Variants in NUDT19 observed in about 807,000 individuals in gnomAD.
The protein encoded by NUDT19 is nudix hydrolase 19, also known as acyl-coenzyme A diphosphatase NUDT19.
In NUDT19, 31 loss-of-function variants were observed where a neutral mutation model predicts 22.2. The ratio of observed to expected loss-of-function variants is 1.40; its 90% CI spans 1.05 to 1.89. The LOEUF is 1.89. Among genes scored for constraint, NUDT19 ranks in the 40% most tolerant of loss-of-function variants. NUDT19 has a pLI of 0.00. For missense variants in NUDT19, 752 were observed against 514.2 expected (o/e 1.46, Z -4.47); for synonymous variants, 325 against 230.8 (o/e 1.41, Z -3.70).
rs1599804706 is a variant in NUDT19 at position 32,712,078 on chromosome 19, T to C, written c.*121T>C. 3 of 721,640 alleles carry C rather than the reference T, an allele frequency of 4.2e-6. No individual in the cohort carries two copies. The East Asian group carries it at 7.6e-5, about 18-fold the overall frequency. 44.7% of individuals were successfully genotyped at this position (721,640 alleles called of 1,614,324 possible). On this transcript the variant is annotated 3_prime_UTR_variant, in exon 3 of 3. Transcript: ENST00000397061. ...TATAAAAGTTACTGCAATTCAGTAT[T>C]TCTTTATTTTTTTCGAGACAGAGTC... is the stretch of plus-strand genomic sequence containing the variant.
intron 1 of NUDT19, among the ~76,000 whole-genome samples, chr19:32,708,009 C>T (rs531605248): frequency 9.9e-4 from 150 of 150,884 alleles, no homozygotes; most frequent in African/African-American, 3.5e-3. Flanking sequence ...AAATTAGCCA[C>T]GATGGTGGCG....
chr19:32,693,173 C>T (rs1216898532), intron 1 of NUDT19, among the ~76,000 whole-genome samples: 1 of 152,098 alleles, frequency 6.6e-6, no homozygotes, highest in Non-Finnish European at 1.5e-5. Flanking sequence ...AGCCGCGGAC[C>T]CTCGAAGTGA....
chr19:32,705,732 A>G (rs1968381004), intron 1 of NUDT19, among the ~76,000 whole-genome samples: 1 of 151,840 alleles, frequency 6.6e-6, no homozygotes, highest in Non-Finnish European at 1.5e-5. Context: ...TTGCAGGCAC[A>G]TGCCACCATG....
intron 1 of NUDT19, among the ~76,000 whole-genome samples, chr19:32,705,106 C>CAAAAA (rs34871387): frequency 5.5e-5 from 3 of 54,192 alleles, no homozygotes; most frequent in Non-Finnish European, 1.0e-4. Flanking sequence ...GACTTCATCT[C>CAAAAA]AAAAAAAAAA....
intron 2 of NUDT19, among the ~76,000 whole-genome samples, chr19:32,710,106 G>T (rs778645915): frequency 6.6e-6 from 1 of 151,392 alleles, no homozygotes; most frequent in South Asian, 2.1e-4. Flanking sequence ...TTGCCTCCTG[G>T]GTTCAAGCGA....
In NUDT19 at chr19:32,709,222, C is replaced by T; in HGVS notation, c.752C>T (p.Ser251Leu). 4 of 1,613,906 alleles carry T rather than the reference C, an allele frequency of 2.5e-6. No homozygotes were observed. The highest frequency in any genetic ancestry group is 3.4e-6 in the Non-Finnish European group (4 of 1,179,926). Reference sequence around the variant, plus strand: ...TCAGAGGCAACTGAAAGTTTCTTATCAAAAGAAATTTGGTTGCCACCCCCA... The same window carrying T: ...TCAGAGGCAACTGAAAGTTTCTTATTAAAAGAAATTTGGTTGCCACCCCCA... ...SPSEATESFLSKEIWLPPPQF... is the reference protein window; with the variant it reads ...SPSEATESFLLKEIWLPPPQF... Residue 251 changes from serine to leucine, a missense_variant, in exon 2 of 3, where the codon TCA becomes TTA. Coordinates refer to ENST00000397061, the MANE Select transcript of NUDT19 (RefSeq NM_001105570.2).
In NUDT19 at chr19:32,691,868, G is replaced by C. The variant is rs1251690349; in HGVS notation, c.-93G>C. ...CCAGAGGCTCGTCCTCAATTCCCGC[G>C]AGGCCCCCGGAGGTGCTGGGGTCCC... On this transcript the variant is annotated 5_prime_UTR_variant, in exon 1 of 3. Transcript: ENST00000397061. 1.1e-5 allele frequency: 7 copies of C among 657,382 alleles called. No homozygotes were observed. The South Asian group carries it at 4.7e-4, about 44-fold the overall frequency. 40.7% of individuals were successfully genotyped at this position (657,382 alleles called of 1,614,324 possible).
chr19:32,700,130 G>A (rs758201769), intron 1 of NUDT19, among the ~76,000 whole-genome samples: 3 of 152,224 alleles, frequency 2.0e-5, no homozygotes, highest in Admixed American at 6.5e-5. Flanking sequence ...GCATGGAAAG[G>A]GACCCGAGCG....
chr19:32,705,106 CAAAAAAAAAAAA>C (rs34871387), intron 1 of NUDT19, among the ~76,000 whole-genome samples: 2 of 54,192 alleles, frequency 3.7e-5, no homozygotes, highest in East Asian at 5.8e-4. Flanking sequence ...GACTTCATCT[CAAAAAAAAAAAA>C]AAAAAAAAAA....
intron 1 of NUDT19, among the ~76,000 whole-genome samples, chr19:32,696,202 A>G (rs1968262099): frequency 6.6e-6 from 1 of 152,202 alleles, no homozygotes; most frequent in South Asian, 2.1e-4. Flanking sequence ...AGTGCCTGGT[A>G]TCTAAGCAGG....
intron 1 of NUDT19, among the ~76,000 whole-genome samples, chr19:32,703,420 C>T (rs985341951): frequency 6.6e-6 from 1 of 152,142 alleles, no homozygotes; most frequent in Admixed American, 6.6e-5. Flanking sequence ...GCCATCTCAG[C>T]TCACCACAGC....
At chr19:32,708,729 T>C (rs1968414515) in intron 1 of NUDT19, among the ~76,000 whole-genome samples, 1 of 152,198 alleles carries the variant, frequency 6.6e-6, no homozygotes, top group South Asian at 2.1e-4. Flanking sequence ...GAAGTCCCCA[T>C]AGGGCCTAGG....
At chr19:32,702,306 C>T (rs1461307082) in intron 1 of NUDT19, among the ~76,000 whole-genome samples, 2 of 152,184 alleles carry the variant, frequency 1.3e-5, no homozygotes, top group Non-Finnish European at 2.9e-5. Flanking sequence ...GTCTTAGGAC[C>T]ACATGAGTAA....
chr19:32,704,929 A>G (rs1968371755), intron 1 of NUDT19, among the ~76,000 whole-genome samples: 1 of 151,710 alleles, frequency 6.6e-6, no homozygotes, highest in African/African-American at 2.4e-5. Context: ...CAACATGGTG[A>G]AACCCCGTCT....
At position 32,701,272 on chromosome 19, in the gene NUDT19, C is replaced by A. The variant is rs575035656; in HGVS notation, c.715-7913C>A. 8.7e-5 allele frequency among the ~76,000 whole-genome samples: 11 copies of A among 126,860 alleles called. No homozygotes were observed. In the East Asian group the frequency reaches 3.0e-3, roughly 34 times the overall value. The allele number at this position is 126,860 out of a possible 152,430, so 83.2% of individuals were successfully genotyped here. On this transcript the variant is annotated intron_variant, in intron 1 of 2. Transcript: ENST00000397061. ...CCAGGCTGGAATGCAGTGGTCTGAT[C>A]TTGGCTCACTGAAACCTCTGCCTCC... is the stretch of plus-strand genomic sequence containing the variant.
At chr19:32,699,847 A>C (rs1269846483) in intron 1 of NUDT19, among the ~76,000 whole-genome samples, 1 of 151,870 alleles carries the variant, frequency 6.6e-6, no homozygotes, top group African/African-American at 2.4e-5. Flanking sequence ...TTGTTCCTTC[A>C]GATATTCAGA....
At chr19:32,700,100 A>G (rs1244274574) in intron 1 of NUDT19, among the ~76,000 whole-genome samples, 1 of 152,270 alleles carries the variant, frequency 6.6e-6, no homozygotes, top group South Asian at 2.1e-4. Flanking sequence ...TGCGAAGAGC[A>G]AAAGAACAGA....
rs1599793555 is a variant in NUDT19, at chr19:32,691,994, T to C, written c.34T>C (p.Trp12Arg). The C allele has an allele frequency of 1.6e-6, 2 of 1,235,666 alleles. No homozygotes were observed. The highest frequency in any genetic ancestry group is 6.4e-5 in the East Asian group (2 of 31,016). 76.5% of individuals were successfully genotyped at this position (1,235,666 alleles called of 1,614,324 possible). Residue 12 changes from tryptophan (W) to arginine (R), a missense_variant, in exon 1 of 3, where the codon TGG (tryptophan) becomes CGG (arginine). By Grantham distance (101) the Trp-to-Arg change is moderately radical. Coordinates refer to ENST00000397061, the MANE Select transcript of NUDT19 (RefSeq NM_001105570.2). Reference protein sequence around the residue: ...SSSLRPGPSRWRRAASIVLAA... With the variant: ...SSSLRPGPSRRRRAASIVLAA... ...CTCCCTGCGGCCGGGCCCCAGCCGCTGGCGGCGGGCGGCCAGCATCGTCCT... is the reference window on the plus strand; with the variant it reads ...CTCCCTGCGGCCGGGCCCCAGCCGCCGGCGGCGGGCGGCCAGCATCGTCCT...
intron 1 of NUDT19, among the ~76,000 whole-genome samples, chr19:32,701,577 G>A (rs570190387): frequency 2.6e-5 from 4 of 152,094 alleles, no homozygotes; most frequent in Non-Finnish European, 5.9e-5. Flanking sequence ...ACTAATAATT[G>A]TGGAGTTGTC....
Sources: gnomAD v4.1 joint callset for allele counts (sites outside exome capture counted in the v4.1 genomes callset) on GRCh38, gnomAD v4.1.1 for gene constraint, MANE v1.5 for transcripts, NCBI Gene and HGNC (gene_info 2026-07-23, HGNC 2026-07-21) for gene names.